Variants in SNX29 observed in about 807,000 individuals in gnomAD.
The protein encoded by SNX29 is sorting nexin-29.
SNX29 carries 78 observed loss-of-function variants against 102.1 expected under a neutral mutation model. The observed-to-expected ratio is 0.76, with a 90% confidence interval of 0.64 to 0.92. SNX29 has a LOEUF of 0.92. Ranked by LOEUF, SNX29 falls within the 40% of genes least tolerant of loss-of-function variation. SNX29 has a pLI of 0.00. For synonymous variants in SNX29, 580 were observed against 414.5 expected, an observed-to-expected ratio of 1.40 and a Z score of -4.85; for missense variants, 1,280 against 1,061.7, an observed-to-expected ratio of 1.21 and a Z score of -2.86.
At chr16:12,146,504 G>T (rs950497600) in intron 13 of SNX29, among the ~76,000 whole-genome samples, 7 of 152,178 alleles carry the variant, frequency 4.6e-5, no homozygotes, top group African/African-American at 1.7e-4. Context: ...GACCTCAAGT[G>T]ATCCACCCGC....
intron 18 of SNX29, among the ~76,000 whole-genome samples, chr16:12,440,674 A>AAGTGAGTTCTCTC (rs2085758969): frequency 6.6e-6 from 1 of 151,964 alleles, no homozygotes; most frequent in African/African-American, 2.4e-5. Context: ...TCCCACTTCT[A>AAGTGAGTTCTCTC]AGTGAGAACA....
intron 18 of SNX29, among the ~76,000 whole-genome samples, chr16:12,473,980 A>C (rs779646160): frequency 6.6e-6 from 1 of 152,144 alleles, no homozygotes; most frequent in African/African-American, 2.4e-5. Context: ...TTACTTTCCT[A>C]ATCAACTTGC....
Position 12,572,096 on chromosome 16 carries a change from T to G in SNX29, c.*3467T>G, listed in dbSNP as rs1352584828. The G allele has an allele frequency of 1.9e-6, 2 of 1,061,118 alleles. No homozygotes were observed. Among genetic ancestry groups the G allele is most frequent in the Non-Finnish European group, 2.3e-6 (2 of 875,942 alleles). The allele number at this position is 1,061,118 out of a possible 1,614,324, so 65.7% of individuals were successfully genotyped here. On this transcript the variant is annotated 3_prime_UTR_variant, in exon 21 of 21. Coordinates refer to ENST00000566228, the MANE Select transcript of SNX29 (RefSeq NM_032167.5). Reference sequence around the variant, plus strand: ...TCTAGGAAGAGGAAGGGGAGGGATGTGGACTGGGTCTGATCACAGCCCTTG... The same window carrying G: ...TCTAGGAAGAGGAAGGGGAGGGATGGGGACTGGGTCTGATCACAGCCCTTG...
At chr16:12,493,672 A>G (rs1181376659) in intron 19 of SNX29, among the ~76,000 whole-genome samples, 3 of 152,086 alleles carry the variant, frequency 2.0e-5, no homozygotes, top group African/African-American at 4.8e-5. Context: ...GCTCACTGCA[A>G]CCTCCGCTTC....
At chr16:12,059,486 A>G (rs1301979184) in intron 8 of SNX29, among the ~76,000 whole-genome samples, 1 of 152,192 alleles carries the variant, frequency 6.6e-6, no homozygotes, top group Non-Finnish European at 1.5e-5. Flanking sequence ...TCATTGTGGT[A>G]TGGGCATGGT....
chr16:12,472,619 G>C (rs776697939), intron 18 of SNX29, among the ~76,000 whole-genome samples: 1 of 150,922 alleles, frequency 6.6e-6, no homozygotes, highest in Non-Finnish European at 1.5e-5. Flanking sequence ...CTATTGATTA[G>C]AACAGGGCAC....
At position 12,571,211 on chromosome 16, in the gene SNX29, C is replaced by T. The variant is rs935607775; in HGVS notation, c.*2582C>T. 8.6e-6 allele frequency: 2 copies of T among 232,174 alleles called. No individual in the cohort carries two copies. The highest frequency in any genetic ancestry group is 1.7e-5 in the Non-Finnish European group (2 of 117,428). 14.4% of individuals were successfully genotyped at this position (232,174 alleles called of 1,614,324 possible). ...TGAACTTCAGGCAACAAACAACTGG[C>T]AGGGTTCCCAGTTCCTGGAGTTATG... On this transcript the variant is annotated 3_prime_UTR_variant, in exon 21 of 21. Coordinates refer to ENST00000566228, the MANE Select transcript of SNX29 (RefSeq NM_032167.5).
chr16:12,447,429 C>T (rs1295469684), intron 18 of SNX29, among the ~76,000 whole-genome samples: 1 of 152,148 alleles, frequency 6.6e-6, no homozygotes, highest in Non-Finnish European at 1.5e-5. Context: ...TGGATACCCC[C>T]AAAGATTCTC....
intron 20 of SNX29, among the ~76,000 whole-genome samples, chr16:12,555,745 C>A (rs917433460): frequency 1.3e-5 from 2 of 152,036 alleles, no homozygotes; most frequent in African/African-American, 2.4e-5. Flanking sequence ...TCCACCTCCC[C>A]ACAACTCCAA....
chr16:11,998,903 CTGCTGG>C (rs2056184823), intron 1 of SNX29, among the ~76,000 whole-genome samples: 1 of 152,168 alleles, frequency 6.6e-6, no homozygotes, highest in African/African-American at 2.4e-5. Flanking sequence ...TTATTTTAGG[CTGCTGG>C]TTGACAACTG....
Position 12,569,044 on chromosome 16 carries a change from G to T in SNX29, c.*415G>T. ...CAGCCTCTCCACTCTTTCCCACGTG[G>T]GGACTAGAATGACTATTAGCCTCTC... On this transcript the variant is annotated 3_prime_UTR_variant, in exon 21 of 21. Coordinates refer to ENST00000566228, the MANE Select transcript of SNX29 (RefSeq NM_032167.5). The T allele has an allele frequency of 8.9e-6, 2 of 225,218 alleles. No individual in the cohort carries two copies. Among genetic ancestry groups the T allele is most frequent in the Non-Finnish European group, 1.7e-5 (2 of 116,020 alleles). 14.0% of individuals were successfully genotyped at this position (225,218 alleles called of 1,614,324 possible). A position where few individuals can be genotyped will look rare whatever the true frequency, so the allele number is the denominator to read the frequency against.
chr16:12,434,032 T>C (rs765924297), intron 18 of SNX29, among the ~76,000 whole-genome samples: 1 of 152,148 alleles, frequency 6.6e-6, no homozygotes, highest in Non-Finnish European at 1.5e-5. Flanking sequence ...AAACCTCCCA[T>C]GCTTGTTCTC....
At chr16:12,329,422 G>C (rs769949751) in intron 15 of SNX29, among the ~76,000 whole-genome samples, 2 of 152,122 alleles carry the variant, frequency 1.3e-5, no homozygotes, top group Non-Finnish European at 2.9e-5. Context: ...ACAGGCAGGT[G>C]CTGGCTTACT....
chr16:12,357,145 T>G (rs1256201165), intron 16 of SNX29, among the ~76,000 whole-genome samples: 1 of 152,222 alleles, frequency 6.6e-6, no homozygotes, highest in East Asian at 1.9e-4. Context: ...TTACAACTTC[T>G]TTATTATGTA....
intron 18 of SNX29, among the ~76,000 whole-genome samples, chr16:12,437,890 A>G (rs1196679071): frequency 6.6e-6 from 1 of 152,010 alleles, no homozygotes; most frequent in Admixed American, 6.6e-5. Context: ...TGGCATCTTC[A>G]TGCTGGGCTT....
intron 18 of SNX29, among the ~76,000 whole-genome samples, chr16:12,476,407 T>C (rs1490389923): frequency 1.9e-4 from 4 of 20,702 alleles, no homozygotes; most frequent in African/African-American, 9.5e-4. Flanking sequence ...TATATATATA[T>C]ATATACATAT....
chr16:12,309,278 C>T (rs913375506), intron 15 of SNX29, among the ~76,000 whole-genome samples: 3 of 152,170 alleles, frequency 2.0e-5, no homozygotes, highest in East Asian at 3.9e-4. Context: ...CTTTTTGGTG[C>T]TCAAGTTGGG....
intron 14 of SNX29, among the ~76,000 whole-genome samples, chr16:12,242,715 G>A (rs181637629): frequency 1.3e-5 from 2 of 149,982 alleles, no homozygotes; most frequent in Admixed American, 1.3e-4. Context: ...GTACAATGAC[G>A]CAATCACAGC....
At chr16:11,983,148 C>G (rs545849532) in intron 1 of SNX29, among the ~76,000 whole-genome samples, 76 of 151,598 alleles carry the variant, frequency 5.0e-4, no homozygotes, top group African/African-American at 1.7e-3. Flanking sequence ...GCAGGCTGAT[C>G]TCAAAATTCT....
Sources: allele counts gnomAD v4.1 joint callset (sites outside exome capture counted in the v4.1 genomes callset), GRCh38; gene constraint gnomAD v4.1.1; transcripts MANE v1.5; gene names NCBI Gene and HGNC (gene_info 2026-07-23, HGNC 2026-07-21).